Variants in KATNAL2 observed in about 807,000 individuals in gnomAD.
KATNAL2 encodes katanin catalytic subunit A1 like 2.
KATNAL2 carries 52 observed loss-of-function variants against 76.3 expected under a neutral mutation model. That is an observed-to-expected ratio of 0.68 (90% confidence interval 0.55 to 0.86). The LOEUF (loss-of-function observed/expected upper bound fraction) is 0.86. KATNAL2 is among the 40% of genes least tolerant of loss of function. KATNAL2 has a pLI of 0.00. For missense variants in KATNAL2, 660 were observed against 668.9 expected, an observed-to-expected ratio of 0.99 and a Z score of 0.15; for synonymous variants, 243 against 244.2, an observed-to-expected ratio of 1.00 and a Z score of 0.05.
intron 3 of KATNAL2, among the ~76,000 whole-genome samples, chr18:47,036,817 A>G (rs117615555): frequency 0.017 from 2,515 of 152,350 alleles, 33 homozygotes; most frequent in Non-Finnish European, 0.026. Flanking sequence ...CTGACATTGT[A>G]TTAAATTCAA....
At chr18:47,038,314 T>A (rs2060850247) in intron 3 of KATNAL2, among the ~76,000 whole-genome samples, 1 of 152,228 alleles carries the variant, frequency 6.6e-6, no homozygotes, top group Non-Finnish European at 1.5e-5. Context: ...AGTGGTTCAC[T>A]GTTTAAATGA....
chr18:46,929,954 T>C (rs1463276632), intron 1 of KATNAL2, among the ~76,000 whole-genome samples: 5 of 152,146 alleles, frequency 3.3e-5, no homozygotes, highest in East Asian at 1.9e-4. Context: ...TTTGTACTTT[T>C]AGTGGAGACA....
chr18:47,053,124 A>G, intron 5 of KATNAL2, 78 bp downstream of exon 5: 1 of 1,242,710 alleles, frequency 8.0e-7, no homozygotes. Context: ...ATTCCCAGAT[A>G]GATGGAGACC....
rs1452634572 is a variant in KATNAL2, at chr18:47,058,284, C to A, written c.382C>A (p.Pro128Thr). ...QNLPKINQQR[P>T]RSKTTAGKTG... ...TCTTCCCAAGATCAATCAGCAGAGG[C>A]CCCGGTCCAAAACCACAGCGGGGAA... The change falls in exon 7 of 18, where the codon CCC becomes ACC. Residue 128 changes from proline to threonine, a missense_variant. Physicochemically the swap from Pro to Thr is conservative, Grantham distance 38. Coordinates refer to ENST00000683218, the MANE Select transcript of KATNAL2 (RefSeq NM_001387690.1). 1.2e-6 allele frequency: 2 copies of A among 1,613,930 alleles called. No individual in the cohort carries two copies. Among genetic ancestry groups the A allele is most frequent in the Admixed American group, 1.7e-5 (1 of 60,024 alleles).
intron 6 of KATNAL2, among the ~76,000 whole-genome samples, chr18:47,057,676 A>C (rs979796539): frequency 3.3e-5 from 5 of 152,234 alleles, no homozygotes; most frequent in Non-Finnish European, 4.4e-5. Flanking sequence ...GTCTGGGACA[A>C]CATTGATGAA....
At chr18:47,078,785 A>G (rs1022442405) in intron 15 of KATNAL2, among the ~76,000 whole-genome samples, 2 of 152,204 alleles carry the variant, frequency 1.3e-5, no homozygotes, top group Non-Finnish European at 2.9e-5. Context: ...TCCTAAGCCC[A>G]AATAAAATGG....
At position 47,057,509 on chromosome 18, in the gene KATNAL2, C is replaced by A. The variant is rs56388142; in HGVS notation, c.333-726C>A. On this transcript the variant is annotated intron_variant, in intron 6 of 17. Coordinates refer to ENST00000683218, the MANE Select transcript of KATNAL2 (RefSeq NM_001387690.1). ...CAGTAAATGTATATACTCTTGTAACCACAGTTACAGCCACCGGCAAGCTAC... is the reference window on the plus strand; with the variant it reads ...CAGTAAATGTATATACTCTTGTAACAACAGTTACAGCCACCGGCAAGCTAC... Among the ~76,000 whole-genome samples the A allele has an allele frequency of 1.8e-3, 272 of 152,182 alleles. 2 individuals are homozygous for A. The highest frequency in any genetic ancestry group is 6.2e-3 in the African/African-American group (256 of 41,504).
At chr18:47,065,287 C>T (rs1041739121) in intron 10 of KATNAL2, among the ~76,000 whole-genome samples, 1 of 152,118 alleles carries the variant, frequency 6.6e-6, no homozygotes, top group Non-Finnish European at 1.5e-5. Context: ...TGGCAAAAAC[C>T]TATCTCTACT....
chr18:46,948,868 G>C (rs2059462332), intron 3 of KATNAL2, among the ~76,000 whole-genome samples: 6 of 150,078 alleles, frequency 4.0e-5, no homozygotes, highest in Admixed American at 4.0e-4. Context: ...ATATCTACTG[G>C]GGTGTTGCAA....
At chr18:47,033,642 C>G in intron 3 of KATNAL2, 6 of 1,614,208 alleles carry the variant, frequency 3.7e-6, no homozygotes, top group Non-Finnish European at 5.1e-6. Context: ...TGAGGGCGTC[C>G]GGATTGTTTC....
intron 3 of KATNAL2, chr18:47,035,446 C>G: frequency 7.5e-7 from 1 of 1,339,906 alleles, no homozygotes; most frequent in Non-Finnish European, 1.0e-6. Context: ...TGGTCTGGAA[C>G]GGCCGTCCTT....
chr18:47,092,971 A>G (rs927839078), intron 15 of KATNAL2, among the ~76,000 whole-genome samples: 1 of 152,224 alleles, frequency 6.6e-6, no homozygotes, highest in Non-Finnish European at 1.5e-5. Context: ...TCTATGCTAG[A>G]AATTATTTCT....
intron 1 of KATNAL2, among the ~76,000 whole-genome samples, chr18:46,919,902 G>A (rs1349327224): frequency 6.6e-6 from 1 of 152,166 alleles, no homozygotes; most frequent in Non-Finnish European, 1.5e-5. Flanking sequence ...ACATTGTTTA[G>A]TAGGCTTTAA....
chr18:46,934,046 A>G (rs1191536329), intron 1 of KATNAL2, among the ~76,000 whole-genome samples: 1 of 150,428 alleles, frequency 6.6e-6, no homozygotes, highest in Non-Finnish European at 1.5e-5. Flanking sequence ...CCAGTCTGTC[A>G]TTGTTGGACA....
intron 15 of KATNAL2, chr18:47,098,079 A>G: frequency 6.3e-6 from 1 of 157,780 alleles, no homozygotes; most frequent in Non-Finnish European, 1.4e-5. Context: ...ATAGGTAGAT[A>G]GAGAGATATG....
intron 11 of KATNAL2, among the ~76,000 whole-genome samples, chr18:47,067,914 G>C (rs1310080971): frequency 1.3e-5 from 2 of 152,202 alleles, no homozygotes; most frequent in Non-Finnish European, 2.9e-5. Flanking sequence ...GGAAAAGATG[G>C]AGAGACTGAA....
intron 4 of KATNAL2, among the ~76,000 whole-genome samples, chr18:47,047,642 A>G (rs2061202453): frequency 6.6e-6 from 1 of 152,216 alleles, no homozygotes; most frequent in Admixed American, 6.5e-5. Context: ...GAAGGGCACT[A>G]TCTACTTTAT....
At chr18:47,086,842 G>A (rs1328817651) in intron 15 of KATNAL2, among the ~76,000 whole-genome samples, 1 of 152,202 alleles carries the variant, frequency 6.6e-6, no homozygotes, top group East Asian at 1.9e-4. Context: ...TTACTAAGCA[G>A]TAACCTTGCT....
chr18:47,084,386 A>C (rs747368551), intron 15 of KATNAL2: 13 of 702,718 alleles, frequency 1.8e-5, no homozygotes, highest in Non-Finnish European at 3.4e-5. Flanking sequence ...GCCTGCAATC[A>C]AGGTCTTGAT....
Sources: gnomAD v4.1 joint callset for allele counts (sites outside exome capture counted in the v4.1 genomes callset) on GRCh38, gnomAD v4.1.1 for gene constraint, MANE v1.5 for transcripts, NCBI Gene and HGNC (gene_info 2026-07-23, HGNC 2026-07-21) for gene names.